TTC29: variants seen among roughly 807,000 people sequenced by gnomAD.
TTC29 encodes tetratricopeptide repeat protein 29.
A neutral mutation model predicts 58.1 loss-of-function variants in TTC29; 49 were observed. The observed-to-expected ratio is 0.84, with a 90% CI of 0.67 to 1.07. The LOEUF (loss-of-function observed/expected upper bound fraction) is 1.07, where lower values mean the gene tolerates loss of function less well. Ranked by LOEUF, TTC29 falls within the 50% of genes least tolerant of loss-of-function variation. TTC29 has a pLI of 0.00. For synonymous variants in TTC29, 209 were observed against 196.8 expected (o/e 1.06, Z -0.52); for missense variants, 582 against 555.6 (o/e 1.05, Z -0.48).
chr4:146,868,697 T>C (rs533467032), intron 7 of TTC29, among the ~76,000 whole-genome samples: 2 of 152,192 alleles, frequency 1.3e-5, no homozygotes, highest in African/African-American at 4.8e-5. Context: ...TGGCTTCCAA[T>C]GTGACTAACT....
intron 11 of TTC29, among the ~76,000 whole-genome samples, chr4:146,779,240 T>C (rs998316774): frequency 2.0e-5 from 3 of 152,080 alleles, no homozygotes; most frequent in Non-Finnish European, 2.9e-5. Context: ...AATTAATACA[T>C]CCTGGTTACA....
At chr4:146,790,645 C>T (rs1204079077) in intron 11 of TTC29, among the ~76,000 whole-genome samples, 8 of 152,068 alleles carry the variant, frequency 5.3e-5, no homozygotes, top group Admixed American at 5.2e-4. Context: ...AAGACTTGCT[C>T]TCACTGTAGG....
intron 10 of TTC29, 45 bp from the exon 11 acceptor site, chr4:146,803,730 A>T: frequency 1.4e-6 from 2 of 1,436,608 alleles, no homozygotes; most frequent in Middle Eastern, 5.0e-4. Flanking sequence ...TTTTAATGTC[A>T]CCATTTCACA....
intron 4 of TTC29, among the ~76,000 whole-genome samples, chr4:146,913,690 T>A (rs539456628): frequency 3.2e-4 from 49 of 152,208 alleles, no homozygotes; most frequent in Middle Eastern, 3.4e-3. Flanking sequence ...GAGGGCTGGG[T>A]CTGGTCTTTT....
chr4:146,927,490 G>A (rs1322172904), intron 4 of TTC29, among the ~76,000 whole-genome samples: 1 of 151,738 alleles, frequency 6.6e-6, no homozygotes. Flanking sequence ...TTTAAATCCT[G>A]GCCATGACCC....
At chr4:146,840,426 C>T (rs1405374082) in intron 8 of TTC29, among the ~76,000 whole-genome samples, 4 of 151,978 alleles carry the variant, frequency 2.6e-5, no homozygotes, top group African/African-American at 9.7e-5. Context: ...GATGTGGCTG[C>T]TAGATATAAA....
chr4:146,819,542 G>T (rs1220166640), intron 10 of TTC29, among the ~76,000 whole-genome samples: 1 of 152,166 alleles, frequency 6.6e-6, no homozygotes, highest in East Asian at 1.9e-4. Flanking sequence ...AAAGTCCATT[G>T]TGACCAGTAC....
intron 11 of TTC29, 90 bp from the exon 12 acceptor site, chr4:146,707,641 TATCTG>T: frequency 2.4e-6 from 2 of 832,698 alleles, no homozygotes; most frequent in Non-Finnish European, 3.9e-6. Flanking sequence ...TTTTCAGGGA[TATCTG>T]TCCTTATCAC....
intron 11 of TTC29, among the ~76,000 whole-genome samples, chr4:146,794,721 C>T (rs1749714966): frequency 6.6e-6 from 1 of 152,048 alleles, no homozygotes; most frequent in South Asian, 2.1e-4. Context: ...AAGGGTTGCA[C>T]TAAACTTCTT....
At chr4:146,843,662 G>GT (rs1255132315) in intron 8 of TTC29, among the ~76,000 whole-genome samples, 3 of 152,000 alleles carry the variant, frequency 2.0e-5, no homozygotes, top group Admixed American at 1.3e-4. Flanking sequence ...GAATCAAATG[G>GT]TCTCAAATTC....
chr4:146,787,970 T>C (rs1349626121), intron 11 of TTC29, among the ~76,000 whole-genome samples: 1 of 152,094 alleles, frequency 6.6e-6, no homozygotes, highest in East Asian at 1.9e-4. Context: ...TCCCAGGGTC[T>C]CAGCTGCCTG....
At chr4:146,850,505 A>G (rs1375762131) in intron 8 of TTC29, among the ~76,000 whole-genome samples, 3 of 152,182 alleles carry the variant, frequency 2.0e-5, no homozygotes, top group East Asian at 3.9e-4. Context: ...GATTACAACA[A>G]TGGTGTCTTG....
chr4:146,866,893 T>G (rs1730596535), intron 8 of TTC29, among the ~76,000 whole-genome samples: 3 of 152,138 alleles, frequency 2.0e-5, no homozygotes, highest in Admixed American at 2.0e-4. Flanking sequence ...AAAAATGACT[T>G]CAGTTATAAT....
At chr4:146,777,104 G>A (rs887861469) in intron 11 of TTC29, among the ~76,000 whole-genome samples, 8 of 152,218 alleles carry the variant, frequency 5.3e-5, no homozygotes, top group African/African-American at 1.4e-4. Flanking sequence ...ACAGGGGTGG[G>A]GACAGGTAGT....
At chr4:146,757,466 A>G (rs1746540447) in intron 11 of TTC29, among the ~76,000 whole-genome samples, 1 of 152,202 alleles carries the variant, frequency 6.6e-6, no homozygotes, top group African/African-American at 2.4e-5. Context: ...AGCACAAAGA[A>G]CACCTGGGAA....
At chr4:146,741,668 C>A (rs552949122) in intron 11 of TTC29, among the ~76,000 whole-genome samples, 1 of 152,258 alleles carries the variant, frequency 6.6e-6, no homozygotes, top group Admixed American at 6.5e-5. Flanking sequence ...TTTGCACATT[C>A]CCAAGAATCT....
intron 11 of TTC29, among the ~76,000 whole-genome samples, chr4:146,795,013 G>GT (rs1225755430): frequency 6.6e-6 from 1 of 152,054 alleles, no homozygotes; most frequent in Non-Finnish European, 1.5e-5. Context: ...ACTAACTTTA[G>GT]TTTTTCCTAT....
chr4:146,764,299 G>C (rs1219026919), intron 11 of TTC29: 1 of 152,028 alleles, frequency 6.6e-6, no homozygotes, highest in African/African-American at 2.4e-5. Flanking sequence ...CCAGAGGGCT[G>C]ACAGCTTTTT....
intron 6 of TTC29, among the ~76,000 whole-genome samples, chr4:146,884,635 A>G (rs1731855695): frequency 6.6e-6 from 1 of 152,110 alleles, no homozygotes; most frequent in Non-Finnish European, 1.5e-5. Flanking sequence ...GGGGAAATGA[A>G]CAAGTAGGAT....
Sources: allele counts gnomAD v4.1 joint callset (sites outside exome capture counted in the v4.1 genomes callset), GRCh38; gene constraint gnomAD v4.1.1; transcripts MANE v1.5; gene names NCBI Gene and HGNC (gene_info 2026-07-23, HGNC 2026-07-21).